The following NTRK3 variants were observed in gnomAD, a reference collection of about 807,000 sequenced individuals.
NTRK3 encodes the protein NT-3 growth factor receptor.
NTRK3 carries 24 observed loss-of-function variants against 91.7 expected under a neutral mutation model. That is an observed-to-expected ratio of 0.26 (90% CI 0.19 to 0.37). The LOEUF (loss-of-function observed/expected upper bound fraction) is 0.37. Among genes scored for constraint, NTRK3 ranks in the 10% least tolerant of loss-of-function variants. NTRK3 has a pLI of 1.00. For missense variants in NTRK3, 880 were observed against 1,068.9 expected (o/e 0.82, Z 2.46); for synonymous variants, 483 against 404.0 (o/e 1.20, Z -2.34).
Position 87,944,034 on chromosome 15 carries a change from G to C in NTRK3, c.1586-3281C>G, listed in dbSNP as rs78444392. On this transcript the variant is annotated intron_variant, in intron 14 of 18. Coordinates refer to ENST00000394480, the Ensembl canonical transcript of NTRK3. ...AAGAAAATAGCCTTGGCTCATTCTT[G>C]TTGTCTTCAGGGTGAAAGAATTCTG... is the stretch of plus-strand genomic sequence containing the variant. Among the ~76,000 whole-genome samples, 998 of 152,302 alleles carry C rather than the reference G, an allele frequency of 6.6e-3. 14 individuals carry two copies. The highest frequency in any genetic ancestry group is 0.034 in the East Asian group (174 of 5,182).
chr15:88,085,623 AGTGGGGG>A (rs1228028367), intron 13 of NTRK3, among the ~76,000 whole-genome samples: 1 of 152,140 alleles, frequency 6.6e-6, no homozygotes, highest in Non-Finnish European at 1.5e-5. Context: ...GAAAAGACTG[AGTGGGGG>A]GTGGTTTGTT....
chr15:88,192,647 C>G (rs924455352), intron 3 of NTRK3, among the ~76,000 whole-genome samples: 5 of 152,192 alleles, frequency 3.3e-5, no homozygotes, highest in Non-Finnish European at 7.3e-5. Flanking sequence ...CCTGCACAAG[C>G]TGGCCACCAG....
At chr15:88,179,662 T>G (rs1051993731) in intron 5 of NTRK3, among the ~76,000 whole-genome samples, 9 of 152,158 alleles carry the variant, frequency 5.9e-5, no homozygotes, top group Non-Finnish European at 1.3e-4. Flanking sequence ...AGGGGCCAGC[T>G]GCAGAAGCTG....
chr15:88,100,870 T>C (rs757023848), intron 13 of NTRK3, among the ~76,000 whole-genome samples: 2 of 152,056 alleles, frequency 1.3e-5, no homozygotes, highest in African/African-American at 4.8e-5. Flanking sequence ...TTAATTCAAG[T>C]TGGATTAAAG....
intron 3 of NTRK3, among the ~76,000 whole-genome samples, chr15:88,206,934 C>T (rs1393586393): frequency 1.3e-5 from 2 of 152,208 alleles, no homozygotes; most frequent in Non-Finnish European, 2.9e-5. Context: ...TCCTTCAAGT[C>T]TCAGGGGAAA....
At position 87,865,920 on chromosome 15, in the gene NTRK3, C is replaced by T. The variant is rs1596030629; in HGVS notation, c.*11015G>A. 1.7e-5 allele frequency: 4 copies of T among 230,204 alleles called. No homozygotes were observed. The East Asian group carries it at 2.5e-4, about 14-fold the overall frequency. 14.3% of individuals were successfully genotyped at this position (230,204 alleles called of 1,614,324 possible). ...AAAACTTCTAAAAAACAGACACCAG[C>T]AAAAATTTAGGGAAGATATGCCTCA... On this transcript the variant is annotated 3_prime_UTR_variant, in exon 19 of 19. Transcript: ENST00000394480.
intron 13 of NTRK3, among the ~76,000 whole-genome samples, chr15:88,088,400 C>T (rs762155180): frequency 1.1e-4 from 17 of 152,148 alleles, no homozygotes; most frequent in Middle Eastern, 3.2e-3. Flanking sequence ...CTGCACTCTG[C>T]TATGAGGAAA....
At chr15:88,058,816 C>T (rs927119542) in intron 13 of NTRK3, among the ~76,000 whole-genome samples, 1 of 152,078 alleles carries the variant, frequency 6.6e-6, no homozygotes, top group African/African-American at 2.4e-5. Context: ...TGTCATTGCA[C>T]ATGGGATGAT....
At chr15:87,897,361 T>C (rs1467071750) in intron 17 of NTRK3, among the ~76,000 whole-genome samples, 1 of 152,208 alleles carries the variant, frequency 6.6e-6, no homozygotes, top group Admixed American at 6.5e-5. Flanking sequence ...CCCCAAGCAA[T>C]GTATTTTTTA....
At chr15:88,063,142 G>T (rs151197761) in intron 13 of NTRK3, among the ~76,000 whole-genome samples, 102 of 152,342 alleles carry the variant, frequency 6.7e-4, no homozygotes, top group African/African-American at 2.4e-3. Flanking sequence ...TTATTTGTTT[G>T]CTGTGAAGAT....
At chr15:88,061,294 C>G in intron 13 of NTRK3, among the ~76,000 whole-genome samples, 1 of 152,190 alleles carries the variant, frequency 6.6e-6, no homozygotes, top group East Asian at 1.9e-4. Context: ...AGAGTACGGT[C>G]AAGTTTGAAT....
chr15:87,937,063 C>T (rs1416849322), intron 15 of NTRK3, among the ~76,000 whole-genome samples: 2 of 152,320 alleles, frequency 1.3e-5, no homozygotes, highest in Non-Finnish European at 2.9e-5. Context: ...CTTTGCTCCT[C>T]CTTTTGCCAG....
chr15:87,901,810 G>C (rs1235650380), intron 17 of NTRK3, among the ~76,000 whole-genome samples: 1 of 151,838 alleles, frequency 6.6e-6, no homozygotes, highest in Non-Finnish European at 1.5e-5. Flanking sequence ...AAAAAGGAGA[G>C]GAAGAGGTTA....
At chr15:87,876,906 G>A (rs1331904472) in exon 19 of NTRK3, 3 of 1,612,304 alleles carry the variant, frequency 1.9e-6, no homozygotes, top group South Asian at 1.1e-5. Flanking sequence ...GGAGGCAACA[G>A]AGTATGAATT....
chr15:88,002,938 C>T (rs1304863399), intron 14 of NTRK3, among the ~76,000 whole-genome samples: 1 of 152,090 alleles, frequency 6.6e-6, no homozygotes, highest in East Asian at 1.9e-4. Flanking sequence ...TTCAATGAGT[C>T]CCAGACCTCA....
intron 13 of NTRK3, among the ~76,000 whole-genome samples, chr15:88,092,313 C>T (rs1197642217): frequency 1.3e-5 from 2 of 152,210 alleles, no homozygotes; most frequent in African/African-American, 2.4e-5. Context: ...ATCAAGGCTC[C>T]GACTGCATGG....
intron 3 of NTRK3, among the ~76,000 whole-genome samples, chr15:88,238,659 C>T (rs995191704): frequency 6.6e-6 from 1 of 152,220 alleles, no homozygotes. Flanking sequence ...CACTCTGCAA[C>T]TTATTATATT....
intron 8 of NTRK3, among the ~76,000 whole-genome samples, 186 bp downstream of exon 8, chr15:88,136,281 C>A (rs1016632044): frequency 4.6e-5 from 7 of 152,202 alleles, no homozygotes; most frequent in African/African-American, 1.7e-4. Flanking sequence ...AGAAGCAAAA[C>A]CTAAGTTACA....
chr15:87,900,262 T>C (rs2066371873), intron 17 of NTRK3, among the ~76,000 whole-genome samples: 1 of 152,140 alleles, frequency 6.6e-6, no homozygotes, highest in Non-Finnish European at 1.5e-5. Context: ...AGGTTTCTAG[T>C]TGGGCCTTTC....
Sources: allele counts gnomAD v4.1 joint callset (sites outside exome capture counted in the v4.1 genomes callset), GRCh38; gene constraint gnomAD v4.1.1; transcripts MANE v1.5; gene names NCBI Gene and HGNC (gene_info 2026-07-23, HGNC 2026-07-21).